Variants in ARHGAP42 observed in about 807,000 individuals in gnomAD.
The protein encoded by ARHGAP42 is rho GTPase-activating protein 42.
A neutral mutation model predicts 125.0 loss-of-function variants in ARHGAP42; 63 were observed. The ratio of observed to expected loss-of-function variants is 0.50; its 90% CI spans 0.41 to 0.62. The LOEUF is 0.62. ARHGAP42 is among the 20% of genes least tolerant of loss of function. ARHGAP42 has a pLI of 0.00. For missense variants in ARHGAP42, 766 were observed against 1,024.2 expected (o/e 0.75, Z 3.44); for synonymous variants, 339 against 351.0 (o/e 0.97, Z 0.38).
At chr11:100,889,222 T>G (rs1191819626) in intron 4 of ARHGAP42, among the ~76,000 whole-genome samples, 1 of 152,218 alleles carries the variant, frequency 6.6e-6, no homozygotes, top group Non-Finnish European at 1.5e-5. Context: ...AGTGCTATGG[T>G]CTGAATGTGT....
chr11:100,919,067 T>C (rs1365727385), intron 5 of ARHGAP42, among the ~76,000 whole-genome samples: 1 of 152,104 alleles, frequency 6.6e-6, no homozygotes, highest in African/African-American at 2.4e-5. Context: ...GGACAAATTC[T>C]GGGGGAAACC....
At chr11:100,741,747 A>G (rs1313385702) in intron 1 of ARHGAP42, among the ~76,000 whole-genome samples, 1 of 152,234 alleles carries the variant, frequency 6.6e-6, no homozygotes, top group Non-Finnish European at 1.5e-5. Context: ...TTGTGAAAGC[A>G]GAAATGAATT....
intron 1 of ARHGAP42, among the ~76,000 whole-genome samples, chr11:100,769,175 C>T (rs1003273694): frequency 2.0e-5 from 3 of 152,126 alleles, no homozygotes; most frequent in Admixed American, 6.5e-5. Flanking sequence ...AAAAGATGCA[C>T]CTGTGTAGGG....
rs148625079 is a variant in ARHGAP42 at position 100,757,213 on chromosome 11, A to G, written c.155-13130A>G. Among the ~76,000 whole-genome samples, 1,086 of 152,304 alleles carry G rather than the reference A, an allele frequency of 7.1e-3. 7 individuals carry two copies. The highest frequency in any genetic ancestry group is 0.012 in the Non-Finnish European group (783 of 68,026). On this transcript the variant is annotated intron_variant, in intron 1 of 23. Coordinates refer to ENST00000298815, the MANE Select transcript of ARHGAP42 (RefSeq NM_152432.4). ...TATTTGCTACTTAGCTAAATCCAGT[A>G]TGGTAGAATTATAGGCTTAAAAGGA...
chr11:100,801,826 G>A (rs1863859692), intron 3 of ARHGAP42, among the ~76,000 whole-genome samples: 1 of 152,172 alleles, frequency 6.6e-6, no homozygotes, highest in Non-Finnish European at 1.5e-5. Context: ...ATGTGGCTAG[G>A]CAGAGATCAG....
chr11:100,963,735 TCTATGAA>T (rs1858017471), intron 16 of ARHGAP42, among the ~76,000 whole-genome samples: 1 of 152,206 alleles, frequency 6.6e-6, no homozygotes. Flanking sequence ...GACCTCTCAT[TCTATGAA>T]CTAGGAAATC....
At chr11:100,843,115 T>C (rs1329218735) in intron 3 of ARHGAP42, among the ~76,000 whole-genome samples, 1 of 151,752 alleles carries the variant, frequency 6.6e-6, no homozygotes, top group African/African-American at 2.4e-5. Flanking sequence ...GAAGCTCAAA[T>C]AGAAACAAAA....
intron 17 of ARHGAP42, among the ~76,000 whole-genome samples, chr11:100,966,490 C>T (rs1858098285): frequency 6.6e-6 from 1 of 152,036 alleles, no homozygotes; most frequent in African/African-American, 2.4e-5. Flanking sequence ...GACAGAATTC[C>T]TTCTTACTCT....
At chr11:100,786,790 G>A (rs1565213790) in intron 2 of ARHGAP42, among the ~76,000 whole-genome samples, 1 of 152,120 alleles carries the variant, frequency 6.6e-6, no homozygotes, top group Non-Finnish European at 1.5e-5. Flanking sequence ...CTCTTATGGG[G>A]CAAGTCCCTG....
At chr11:100,761,119 A>G (rs542101258) in intron 1 of ARHGAP42, among the ~76,000 whole-genome samples, 1 of 152,042 alleles carries the variant, frequency 6.6e-6, no homozygotes, top group Non-Finnish European at 1.5e-5. Flanking sequence ...GTAACTTAGT[A>G]TTTGTAGTTA....
intron 3 of ARHGAP42, among the ~76,000 whole-genome samples, chr11:100,829,237 G>A (rs964424612): frequency 3.9e-5 from 6 of 151,976 alleles, no homozygotes; most frequent in African/African-American, 1.4e-4. Context: ...GCTTCCGCCT[G>A]TAATCACAGC....
chr11:100,988,719 C>T lies in ARHGAP42; in HGVS notation c.2543C>T (p.Pro848Leu). 2 of 1,549,102 alleles carry T rather than the reference C, an allele frequency of 1.3e-6. No individual in the cohort carries two copies. Among genetic ancestry groups the T allele is most frequent in the Non-Finnish European group, 1.7e-6 (2 of 1,145,208 alleles). The change falls in exon 24 of 24, where the codon CCA becomes CTA. Residue 848 changes from proline to leucine, a missense_variant. This residue lies in a region of ARHGAP42 where 308 missense variants were observed against 369.7 expected (regional missense o/e 0.83). Coordinates refer to ENST00000298815, the MANE Select transcript of ARHGAP42 (RefSeq NM_152432.4). ...TATTTATTTATTTTGCCAGTGTACCCATCAGTGGAACCAGGATGGTTAAAG... is the reference window on the plus strand; with the variant it reads ...TATTTATTTATTTTGCCAGTGTACCTATCAGTGGAACCAGGATGGTTAAAG... ...PQGAIFSNVY[P>L]SVEPGWLKAT...
Position 100,854,157 on chromosome 11 carries a change from T to C in ARHGAP42, c.313-5397T>C, listed in dbSNP as rs1366313838. Among the ~76,000 whole-genome samples the C allele has an allele frequency of 4.6e-5, 7 of 152,278 alleles. No individual in the cohort carries two copies. In the East Asian group the frequency reaches 1.4e-3, roughly 29 times the overall value. ...GTTAGGCCAATTAATTAAAAATAAA[T>C]GGGAGTATTCTCCTGAGAGTGTATT... On this transcript the variant is annotated intron_variant, in intron 3 of 23. Coordinates refer to ENST00000298815, the MANE Select transcript of ARHGAP42 (RefSeq NM_152432.4).
At chr11:100,868,246 G>C (rs1865618747) in intron 4 of ARHGAP42, among the ~76,000 whole-genome samples, 2 of 152,180 alleles carry the variant, frequency 1.3e-5, no homozygotes, top group African/African-American at 4.8e-5. Context: ...CTAATGTACA[G>C]TAAAACAGAG....
intron 8 of ARHGAP42, among the ~76,000 whole-genome samples, chr11:100,937,812 A>G (rs190404999): frequency 1.1e-3 from 175 of 152,322 alleles, no homozygotes; most frequent in Non-Finnish European, 1.6e-3. Flanking sequence ...ATTCGGTCCT[A>G]CTTGGTAGTG....
intron 4 of ARHGAP42, among the ~76,000 whole-genome samples, chr11:100,879,231 T>C (rs1031788487): frequency 3.3e-5 from 5 of 152,174 alleles, no homozygotes; most frequent in Non-Finnish European, 7.3e-5. Context: ...GAAGCACTGC[T>C]CTGTATCACT....
chr11:100,754,211 A>G (rs1290601907), intron 1 of ARHGAP42, among the ~76,000 whole-genome samples: 2 of 152,274 alleles, frequency 1.3e-5, no homozygotes, highest in Non-Finnish European at 2.9e-5. Context: ...CCCCTTAACT[A>G]TAGTGGTTTT....
chr11:100,931,926 A>T (rs772083638), intron 6 of ARHGAP42, among the ~76,000 whole-genome samples: 2 of 152,194 alleles, frequency 1.3e-5, no homozygotes, highest in African/African-American at 4.8e-5. Context: ...GTATTAGTTG[A>T]TGTAAAACTG....
chr11:100,747,987 C>T (rs959545850), intron 1 of ARHGAP42, among the ~76,000 whole-genome samples: 4 of 149,754 alleles, frequency 2.7e-5, no homozygotes, highest in Admixed American at 1.3e-4. Context: ...CCCCACCCCC[C>T]TTTTTTTTTC....
Sources: gnomAD v4.1 joint callset for allele counts (sites outside exome capture counted in the v4.1 genomes callset) on GRCh38, gnomAD v4.1.1 for gene constraint, gnomAD v4.1.1 regional missense constraint, MANE v1.5 for transcripts, NCBI Gene and HGNC (gene_info 2026-07-23, HGNC 2026-07-21) for gene names.